KCNH7: variants seen among roughly 807,000 people sequenced by gnomAD.
The protein encoded by KCNH7 is potassium voltage-gated channel subfamily H member 7.
In KCNH7, 49 loss-of-function variants were observed where a neutral mutation model predicts 120.8. The ratio of observed to expected loss-of-function variants is 0.41; its 90% CI spans 0.32 to 0.51. The LOEUF (loss-of-function observed/expected upper bound fraction) is 0.51. KCNH7 is among the 20% of genes least tolerant of loss of function. The probability of loss-of-function intolerance (pLI) is 0.38; values close to 1 mark genes in which losing one functional copy is unlikely to be tolerated. For synonymous variants in KCNH7, 547 were observed against 516.1 expected, an observed-to-expected ratio of 1.06 and a Z score of -0.81; for missense variants, 1,097 against 1,446.6, an observed-to-expected ratio of 0.76 and a Z score of 3.92.
chr2:162,799,651 C>G (rs374223655), intron 2 of KCNH7, among the ~76,000 whole-genome samples: 227 of 152,090 alleles, frequency 1.5e-3, no homozygotes, highest in African/African-American at 5.3e-3. Context: ...CCCCTCCACA[C>G]TTTTCAAATT....
intron 2 of KCNH7, chr2:162,784,844 T>G (rs1683639709): frequency 6.6e-6 from 1 of 152,334 alleles, no homozygotes; most frequent in Non-Finnish European, 1.5e-5. Flanking sequence ...TTGGAAAATT[T>G]CAGCAAATAT....
chr2:162,752,965 A>ACCCCTGACT, intron 2 of KCNH7, among the ~76,000 whole-genome samples: 1 of 117,440 alleles, frequency 8.5e-6, no homozygotes, highest in African/African-American at 4.9e-5. Flanking sequence ...AAAGAAAAGA[A>ACCCCTGACT]AAGAAAAGAA....
rs781593564 is a variant in KCNH7 at position 162,748,110 on chromosome 2, A to G, written c.307+88427T>C. ...CTTTAAAAAGCACTAAACACTAAAC[A>G]CGGTTTATGTAGACTTACTTGCAGA... On this transcript the variant is annotated intron_variant, in intron 2 of 15. Coordinates refer to ENST00000332142, the MANE Select transcript of KCNH7 (RefSeq NM_033272.4). Among the ~76,000 whole-genome samples, 173 of 152,114 alleles carry G rather than the reference A, an allele frequency of 1.1e-3. 7 individuals carry two copies. Among genetic ancestry groups the G allele is most frequent in the Non-Finnish European group, 2.2e-4 (15 of 68,012 alleles).
intron 2 of KCNH7, among the ~76,000 whole-genome samples, chr2:162,678,901 ATGATTACATATTTATACCTAAAAT>A (rs1433502369): frequency 2.0e-5 from 3 of 151,646 alleles, no homozygotes; most frequent in Non-Finnish European, 4.4e-5. Context: ...AATAAAGATC[ATGATTACATATTTATACCTAAAAT>A]TGACCAAAGA....
intron 2 of KCNH7, among the ~76,000 whole-genome samples, chr2:162,812,277 A>G (rs1684758292): frequency 6.6e-6 from 1 of 152,130 alleles, no homozygotes; most frequent in African/African-American, 2.4e-5. Flanking sequence ...GTGAAAAAAC[A>G]CAGCCAAAGT....
chr2:162,564,169 C>T (rs539645313), intron 2 of KCNH7, among the ~76,000 whole-genome samples: 2 of 151,966 alleles, frequency 1.3e-5, no homozygotes, highest in African/African-American at 4.8e-5. Context: ...TCCTTTGATC[C>T]TGTTTTTCCA....
At chr2:162,593,888 T>C (rs746317768) in intron 2 of KCNH7, among the ~76,000 whole-genome samples, 2 of 151,978 alleles carry the variant, frequency 1.3e-5, no homozygotes, top group South Asian at 2.1e-4. Context: ...TTTGGACTCA[T>C]ATTTCTCACT....
chr2:162,517,827 T>G lies in KCNH7; in HGVS notation c.795A>C (p.Glu265Asp). ...SSQLSHSRSR[E>D]SLCSIRRASS... ...ATGCTCTCCGTATACTACATAAGCT[T>G]TCCCTTGATCTGGAATGGGACAGCT... The change falls in exon 4 of 16, where the codon GAA (glutamate) becomes GAC (aspartate). Residue 265 changes from glutamate (E) to aspartate (D), a missense_variant. Physicochemically the swap from Glu to Asp is conservative, Grantham distance 45. Coordinates refer to ENST00000332142, the MANE Select transcript of KCNH7 (RefSeq NM_033272.4). 1 of 1,612,406 alleles carries G rather than the reference T, an allele frequency of 6.2e-7. No homozygotes were observed.
intron 2 of KCNH7, among the ~76,000 whole-genome samples, chr2:162,753,005 AAAGAAAAGAAAAG>A (rs1688649972): frequency 1.3e-5 from 2 of 148,286 alleles, no homozygotes; most frequent in Admixed American, 1.3e-4. Flanking sequence ...AAAGAAAAGA[AAAGAAAAGAAAAG>A]AAAAGAAAAG....
At chr2:162,557,300 G>A (rs188934393) in intron 2 of KCNH7, among the ~76,000 whole-genome samples, 54 of 152,300 alleles carry the variant, frequency 3.5e-4, no homozygotes, top group African/African-American at 1.3e-3. Flanking sequence ...TGATGCCTAA[G>A]TTTCTAGAAG....
At position 162,505,166 on chromosome 2, in the gene KCNH7, A is replaced by G. The variant is rs77417580; in HGVS notation, c.914-509T>C. Among the ~76,000 whole-genome samples the G allele has an allele frequency of 4.8e-3, 732 of 151,968 alleles. 6 individuals carry two copies. Among genetic ancestry groups the G allele is most frequent in the Admixed American group, 0.013 (194 of 15,232 alleles). On this transcript the variant is annotated intron_variant, in intron 5 of 15. Transcript: ENST00000332142. Reference sequence around the variant, plus strand: ...GGCTCTTCATATGTTTCCACTACCTATATGAGATGCTCCACAGAGCTTCTG... The same window carrying G: ...GGCTCTTCATATGTTTCCACTACCTGTATGAGATGCTCCACAGAGCTTCTG...
At chr2:162,611,165 GGGCCTGCTGGGT>G (rs1303258002) in intron 2 of KCNH7, among the ~76,000 whole-genome samples, 1 of 152,180 alleles carries the variant, frequency 6.6e-6, no homozygotes, top group Non-Finnish European at 1.5e-5. Flanking sequence ...GCCCACCGTG[GGGCCTGCTGGGT>G]GGCATTGGTG....
chr2:162,545,018 A>G (rs1341841917), intron 2 of KCNH7, among the ~76,000 whole-genome samples: 1 of 152,186 alleles, frequency 6.6e-6, no homozygotes, highest in Non-Finnish European at 1.5e-5. Flanking sequence ...TCCATGTGCC[A>G]CATGTTTCTC....
At chr2:162,799,120 T>A (rs191699135) in intron 2 of KCNH7, among the ~76,000 whole-genome samples, 1 of 152,128 alleles carries the variant, frequency 6.6e-6, no homozygotes. Flanking sequence ...ACTTGAGAAA[T>A]ATATTTTATT....
chr2:162,472,928 G>A (rs60520748), intron 6 of KCNH7, among the ~76,000 whole-genome samples: 15,605 of 152,152 alleles, frequency 0.1, 1,245 homozygotes, highest in African/African-American at 0.22. Flanking sequence ...GTAGGGACAT[G>A]GATGAAGCTG....
At chr2:162,628,696 T>C (rs966058505) in intron 2 of KCNH7, among the ~76,000 whole-genome samples, 26 of 151,746 alleles carry the variant, frequency 1.7e-4, no homozygotes, top group African/African-American at 6.3e-4. Context: ...ATGCAGTATT[T>C]GTTTTTTTTG....
intron 2 of KCNH7, among the ~76,000 whole-genome samples, chr2:162,602,394 G>T (rs936600835): frequency 2.0e-5 from 3 of 152,058 alleles, no homozygotes; most frequent in Non-Finnish European, 4.4e-5. Flanking sequence ...TCTGAGGAAG[G>T]TGCTAAATAT....
At chr2:162,419,304 A>G (rs1236228496) in intron 9 of KCNH7, among the ~76,000 whole-genome samples, 1 of 146,916 alleles carries the variant, frequency 6.8e-6, no homozygotes, top group Admixed American at 6.9e-5. Context: ...AAAAGCAACT[A>G]TTCCCTTTTC....
At chr2:162,838,253 T>G (rs1047909410) in intron 1 of KCNH7, among the ~76,000 whole-genome samples, 190 bp downstream of exon 1, 1 of 152,124 alleles carries the variant, frequency 6.6e-6, no homozygotes, top group Non-Finnish European at 1.5e-5. Context: ...GAGACCGTAA[T>G]CTAAAATGTA....
Sources: allele counts gnomAD v4.1 joint callset (sites outside exome capture counted in the v4.1 genomes callset), GRCh38; gene constraint gnomAD v4.1.1; transcripts MANE v1.5; gene names NCBI Gene and HGNC (gene_info 2026-07-23, HGNC 2026-07-21).